The following GPBP1L1 variants were observed in gnomAD, a reference collection of about 807,000 sequenced individuals.
The protein encoded by GPBP1L1 is GC-rich promoter binding protein 1 like 1, also known as vasculin-like protein 1.
GPBP1L1 carries 23 observed loss-of-function variants against 52.5 expected under a neutral mutation model. The ratio of observed to expected loss-of-function variants is 0.44; its 90% CI spans 0.32 to 0.62. GPBP1L1 has a LOEUF of 0.62. Among genes scored for constraint, GPBP1L1 ranks in the 20% least tolerant of loss-of-function variants. The pLI is 0.06. For missense variants in GPBP1L1, 596 were observed against 579.3 expected (o/e 1.03, Z -0.30); for synonymous variants, 243 against 203.1 (o/e 1.20, Z -1.67).
At chr1:45,629,746 T>A in intron 11 of GPBP1L1, 68 bp from the exon 12 acceptor site, 1 of 1,057,756 alleles carries the variant, frequency 9.5e-7, no homozygotes, top group Non-Finnish European at 1.5e-6. Context: ...AGCCCACCAC[T>A]TTTCACAGAA....
In GPBP1L1 at chr1:45,660,555, T is replaced by G; in HGVS notation, c.-427A>C. ...GCTTAATTAGGTAAGACATGGATATTTGCACCGAGTGCAAATACTGTTCAT... is the reference window on the plus strand; with the variant it reads ...GCTTAATTAGGTAAGACATGGATATGTGCACCGAGTGCAAATACTGTTCAT... On this transcript the variant is annotated 5_prime_UTR_variant, in exon 3 of 13. Transcript: ENST00000355105. 1 of 985,238 alleles carries G rather than the reference T, an allele frequency of 1.0e-6. No homozygotes were observed. Among genetic ancestry groups the G allele is most frequent in the Non-Finnish European group, 1.2e-6 (1 of 829,792 alleles). The allele number at this position is 985,238 out of a possible 1,614,324, so 61.0% of individuals were successfully genotyped here. A position where few individuals can be genotyped will look rare whatever the true frequency, so the allele number is the denominator to read the frequency against.
intron 4 of GPBP1L1, chr1:45,655,742 T>A (rs1407475669): frequency 6.4e-6 from 1 of 156,068 alleles, no homozygotes; most frequent in African/African-American, 2.4e-5. Context: ...GGTTGAAATA[T>A]CACCTTGGGA....
chr1:45,630,695 G>C, intron 10 of GPBP1L1, 89 bp from the exon 11 acceptor site: 2 of 1,450,542 alleles, frequency 1.4e-6, no homozygotes, highest in Non-Finnish European at 1.9e-6. Flanking sequence ...TCACGACCCA[G>C]GAAGTGTTTT....
chr1:45,677,898 T>G (rs1645166075), intron 2 of GPBP1L1, among the ~76,000 whole-genome samples: 2 of 152,192 alleles, frequency 1.3e-5, no homozygotes, highest in Non-Finnish European at 1.5e-5. Context: ...TATTGCTGAT[T>G]AGAGTGAACA....
intron 9 of GPBP1L1, 73 bp downstream of exon 9, chr1:45,634,023 T>C: frequency 7.0e-7 from 1 of 1,418,606 alleles, no homozygotes; most frequent in Non-Finnish European, 9.7e-7. Context: ...CAGCTATACA[T>C]ATTACACTTG....
chr1:45,672,212 T>C lies in GPBP1L1; in HGVS notation c.-1097-10987A>G, dbSNP rs147008594. Among the ~76,000 whole-genome samples the C allele has an allele frequency of 4.0e-3, 603 of 151,980 alleles. 4 individuals carry two copies. Among genetic ancestry groups the C allele is most frequent in the Middle Eastern group, 0.01 (3 of 294 alleles). On this transcript the variant is annotated intron_variant, in intron 2 of 12. Transcript: ENST00000355105. The stretch of plus-strand genomic sequence containing the variant: ...CATGTCTCTACTAAAAATAAAAAAA[T>C]TAGCTGGGCATGGTGGCCAGGCGCT...
chr1:45,640,227 C>T lies in GPBP1L1; in HGVS notation c.727G>A (p.Val243Ile). 14 of 1,613,780 alleles carry T rather than the reference C, an allele frequency of 8.7e-6. No homozygotes were observed. The highest frequency in any genetic ancestry group is 1.2e-5 in the Non-Finnish European group (14 of 1,179,732). ...AATCATACCTTGGAAGGAGGTGGTA[C>T]AGGCTTAGGAACCAGGTTCTTATAG... ...SVYKNLVPKP[V>I]PPPSKPNAWK... Residue 243 changes from valine to isoleucine, a missense_variant, in exon 8 of 13, where the codon GTA (valine) becomes ATA (isoleucine). Val to Ile is a conservative substitution (Grantham distance 29). Coordinates refer to ENST00000355105, the MANE Select transcript of GPBP1L1 (RefSeq NM_021639.5).
At chr1:45,651,501 T>C in intron 6 of GPBP1L1, 4 of 479,506 alleles carry the variant, frequency 8.3e-6, no homozygotes, top group Non-Finnish European at 1.5e-5. Context: ...TCTGCTTCTT[T>C]CTCTTGCTTT....
chr1:45,655,264 C>G lies in GPBP1L1; in HGVS notation c.116G>C (p.Arg39Thr). ...HGEHLPRGEG[R>T]FGVSRRRHNS... is the part of the protein sequence containing the mutation. ...ATGTCGACGGCGGCTTACTCCAAAT[C>G]TACCTTCTCCTCTGGGTAGGTGCTC... The change falls in exon 5 of 13, where the codon AGA becomes ACA. Residue 39 changes from arginine (R) to threonine (T), a missense_variant. Physicochemically the swap from Arg to Thr is moderately conservative, Grantham distance 71. Coordinates refer to ENST00000355105, the MANE Select transcript of GPBP1L1 (RefSeq NM_021639.5). The G allele has an allele frequency of 6.2e-7, 1 of 1,614,164 alleles. No homozygotes were observed. Among genetic ancestry groups the G allele is most frequent in the Non-Finnish European group, 8.5e-7 (1 of 1,180,000 alleles).
chr1:45,647,879 ACT>A (rs754122235), intron 6 of GPBP1L1, among the ~76,000 whole-genome samples: 8 of 152,160 alleles, frequency 5.3e-5, no homozygotes, highest in Non-Finnish European at 1.2e-4. Flanking sequence ...TCTTGGACAC[ACT>A]GTCTTAGCCC....
chr1:45,654,933 C>CA (rs527911782), intron 5 of GPBP1L1, 104 bp from the exon 6 acceptor site: 103 of 1,184,166 alleles, frequency 8.7e-5, no homozygotes, highest in East Asian at 1.8e-4. Flanking sequence ...AAAGTCCACA[C>CA]AAAAAAAATA....
intron 2 of GPBP1L1, among the ~76,000 whole-genome samples, chr1:45,663,132 C>G (rs1644967094): frequency 6.7e-6 from 1 of 150,106 alleles, no homozygotes; most frequent in Admixed American, 6.7e-5. Flanking sequence ...ATAAATGAAA[C>G]TGTCCCTGTA....
intron 6 of GPBP1L1, among the ~76,000 whole-genome samples, chr1:45,646,832 C>T (rs149252950): frequency 0.015 from 2,216 of 152,210 alleles, 17 homozygotes; most frequent in Middle Eastern, 0.037. Flanking sequence ...GCTGGGATTA[C>T]AGGTGTGAGC....
intron 2 of GPBP1L1, among the ~76,000 whole-genome samples, chr1:45,670,146 C>T (rs926995241): frequency 2.6e-5 from 4 of 152,234 alleles, no homozygotes; most frequent in African/African-American, 9.6e-5. Context: ...ATCTGCTTTA[C>T]ATCTTCAACC....
At chr1:45,640,981 C>T (rs2148439619) in intron 7 of GPBP1L1, among the ~76,000 whole-genome samples, 1 of 152,160 alleles carries the variant, frequency 6.6e-6, no homozygotes, top group Middle Eastern at 3.4e-3. Context: ...TGCCACTGCA[C>T]TCCAGCATGG....
chr1:45,650,120 A>G (rs2148460842), intron 6 of GPBP1L1, among the ~76,000 whole-genome samples: 1 of 152,270 alleles, frequency 6.6e-6, no homozygotes, highest in Non-Finnish European at 1.5e-5. Context: ...ATAATTGGGG[A>G]AGATGAAAAA....
At chr1:45,629,854 A>T (rs1644507386) in intron 11 of GPBP1L1, 176 bp from the exon 12 acceptor site, 2 of 577,544 alleles carry the variant, frequency 3.5e-6, no homozygotes, top group African/African-American at 3.8e-5. Flanking sequence ...GCTGTAAATA[A>T]ATGGAGGCTC....
chr1:45,664,482 C>T (rs914551028), intron 2 of GPBP1L1, among the ~76,000 whole-genome samples: 2 of 151,918 alleles, frequency 1.3e-5, no homozygotes, highest in African/African-American at 4.8e-5. Flanking sequence ...AGGAGAATGG[C>T]GTGAACCCGG....
At chr1:45,665,245 T>C (rs1216471514) in intron 2 of GPBP1L1, among the ~76,000 whole-genome samples, 2 of 151,434 alleles carry the variant, frequency 1.3e-5, no homozygotes, top group African/African-American at 4.8e-5. Flanking sequence ...GATCACGCCA[T>C]TGCAGGCTGA....
Sources: allele counts gnomAD v4.1 joint callset (sites outside exome capture counted in the v4.1 genomes callset), GRCh38; gene constraint gnomAD v4.1.1; transcripts MANE v1.5; gene names NCBI Gene and HGNC (gene_info 2026-07-23, HGNC 2026-07-21).